Variants in PDXDC1 observed in about 807,000 individuals in gnomAD.
PDXDC1 encodes pyridoxal dependent decarboxylase domain containing 1.
PDXDC1 carries 42 observed loss-of-function variants against 100.1 expected under a neutral mutation model. The ratio of observed to expected loss-of-function variants is 0.42; its 90% CI spans 0.33 to 0.54. The LOEUF (loss-of-function observed/expected upper bound fraction) is 0.54, where lower values mean the gene tolerates loss of function less well. Among genes scored for constraint, PDXDC1 ranks in the 20% least tolerant of loss-of-function variants. The pLI, the probability that PDXDC1 is intolerant of heterozygous loss-of-function variation, is 0.10. For synonymous variants in PDXDC1, 260 were observed against 371.7 expected, an observed-to-expected ratio of 0.70 and a Z score of 3.46; for missense variants, 636 against 979.2, an observed-to-expected ratio of 0.65 and a Z score of 4.68.
intron 13 of PDXDC1, among the ~76,000 whole-genome samples, chr16:15,023,945 A>G (rs2042393238): frequency 6.6e-6 from 1 of 152,274 alleles, no homozygotes; most frequent in African/African-American, 2.4e-5. Flanking sequence ...ACAGAGAAGC[A>G]AATTATGGCC....
chr16:15,033,496 C>T (rs185006747), intron 19 of PDXDC1, 97 bp downstream of exon 19: 158 of 1,353,980 alleles, frequency 1.2e-4, no homozygotes, highest in Middle Eastern at 6.4e-4. Context: ...GATGTCTGTT[C>T]GTTGTCTCTC....
At chr16:15,128,794 C>T (rs994651859) in intron 16 of PDXDC1, among the ~76,000 whole-genome samples, 1 of 151,762 alleles carries the variant, frequency 6.6e-6, no homozygotes, top group Non-Finnish European at 1.5e-5. Flanking sequence ...CAGTGACAGA[C>T]CCAGGTGACA....
At chr16:14,991,010 G>A (rs1246159414) in intron 1 of PDXDC1, among the ~76,000 whole-genome samples, 1 of 152,278 alleles carries the variant, frequency 6.6e-6, no homozygotes, top group Non-Finnish European at 1.5e-5. Context: ...CCAACGTGCT[G>A]GGATTATAGT....
chr16:15,080,557 CCTAGTAG>C (rs1384575446), intron 16 of PDXDC1, among the ~76,000 whole-genome samples: 1 of 152,126 alleles, frequency 6.6e-6, no homozygotes, highest in Non-Finnish European at 1.5e-5. Context: ...CCTCAGCCTC[CCTAGTAG>C]CTAGAACTAC....
At chr16:15,104,448 G>A in intron 16 of PDXDC1, 3 of 1,279,168 alleles carry the variant, frequency 2.3e-6, no homozygotes, top group South Asian at 1.5e-5. Context: ...GGAGCTGAGG[G>A]TGGAAGGGGA....
At chr16:15,094,043 C>G in intron 16 of PDXDC1, 3 of 1,058,394 alleles carry the variant, frequency 2.8e-6, no homozygotes, top group Non-Finnish European at 4.3e-6. Flanking sequence ...GTGCTCCTAT[C>G]ACACGCCATG....
upstream of PDXDC1, chr16:14,974,810 T>C (rs1331958848): frequency 5.2e-6 from 8 of 1,535,352 alleles, no homozygotes; most frequent in Admixed American, 1.4e-4. Context: ...GTGAGGTGCG[T>C]CACTAGTATT....
rs1183496611 is a variant in PDXDC1, at chr16:15,121,752, C to CAAAT, written c.1400-17107_1400-17104dup. 6 of 58,258 alleles carry CAAAT rather than the reference C, an allele frequency of 1.0e-4. No homozygotes were observed. The South Asian group carries it at 1.3e-3, about 13-fold the overall frequency. 3.6% of individuals were successfully genotyped at this position (58,258 alleles called of 1,614,324 possible). On this transcript the variant is annotated intron_variant, in intron 16 of 16. Coordinates refer to the PDXDC1 transcript ENST00000535621. ...CTCAGCAACAAGGGAGAAACTGTCT[C>CAAAT]AAATAAATAAATAAATAAATAAAAT...
At position 15,032,997 on chromosome 16, in the gene PDXDC1, A is replaced by T; in HGVS notation, c.1690+18A>T. On this transcript the variant is annotated intron_variant, in intron 18 of 22. Transcript: ENST00000396410. ...TAAAATAGGTAACTGCTTACTTTGTAAGTCAGCTGTGGGGTTTGGAAGGAC... is the reference window on the plus strand; with the variant it reads ...TAAAATAGGTAACTGCTTACTTTGTTAGTCAGCTGTGGGGTTTGGAAGGAC... The T allele has an allele frequency of 3.5e-6, 5 of 1,414,098 alleles. No homozygotes were observed. Among genetic ancestry groups the T allele is most frequent in the Non-Finnish European group, 5.0e-6 (5 of 997,372 alleles). The allele number at this position is 1,414,098 out of a possible 1,614,324, so 87.6% of individuals were successfully genotyped here.
At chr16:15,006,044 T>C (rs1974181317) in intron 5 of PDXDC1, among the ~76,000 whole-genome samples, 1 of 152,294 alleles carries the variant, frequency 6.6e-6, no homozygotes, top group Non-Finnish European at 1.5e-5. Flanking sequence ...GCTGAAACTC[T>C]GCTATGAACT....
At position 15,031,788 on chromosome 16, in the gene PDXDC1, A is replaced by C. The variant is rs779443729; in HGVS notation, c.1453A>C (p.Lys485Gln). ...TCAGCTCGTAGCCTGCATAGAAAGC[A>C]AACTGCCAGTGCTGTGCTGTACGCT... The part of the protein sequence containing the change: ...VDQLVACIES[K>Q]LPVLCCTLQL... The change falls in exon 17 of 23, where the codon AAA becomes CAA. Residue 485 changes from lysine (K) to glutamine (Q), a missense_variant. Transcript: ENST00000396410. The C allele has an allele frequency of 9.3e-6, 15 of 1,613,818 alleles. No homozygotes were observed. In the African/African-American group the frequency reaches 1.7e-4, roughly 19 times the overall value.
intron 16 of PDXDC1, chr16:15,071,373 A>T: frequency 1.1e-6 from 1 of 897,962 alleles, no homozygotes; most frequent in Non-Finnish European, 1.7e-6. Flanking sequence ...TAACTATCTC[A>T]TGGGCTTCAT....
chr16:15,003,173 CAATA>C (rs1973521096), intron 4 of PDXDC1, among the ~76,000 whole-genome samples: 1 of 151,322 alleles, frequency 6.6e-6, no homozygotes, highest in Admixed American at 6.6e-5. Flanking sequence ...TGTATTATTG[CAATA>C]AATAATTCTT....
Position 15,125,196 on chromosome 16 carries a change from G to C in PDXDC1, c.1400-13683G>C. On this transcript the variant is annotated intron_variant, in intron 16 of 16. Transcript: ENST00000535621. ...AAAAAAAAAGAAGCCCTAGATTTCG[G>C]TTGTGTTGGTTGTAAAAGGAGAGAC... 4 of 496,188 alleles carry C rather than the reference G, an allele frequency of 8.1e-6. No individual in the cohort carries two copies. The South Asian group carries it at 9.4e-5, about 12-fold the overall frequency. 30.7% of individuals were successfully genotyped at this position (496,188 alleles called of 1,614,324 possible).
At chr16:15,130,171 C>T in intron 16 of PDXDC1, 2 of 1,529,476 alleles carry the variant, frequency 1.3e-6, no homozygotes, top group Non-Finnish European at 1.8e-6. Context: ...CTCGACTCTG[C>T]AGAGGCTCCC....
At chr16:15,077,602 G>C (rs2045516040) in intron 16 of PDXDC1, among the ~76,000 whole-genome samples, 1 of 152,180 alleles carries the variant, frequency 6.6e-6, no homozygotes, top group Non-Finnish European at 1.5e-5. Context: ...AGCTCTTTGG[G>C]AGGCCGAGGT....
rs754582430 is a variant in PDXDC1 at position 15,034,394 on chromosome 16, G to A, written c.1905+16G>A. 7 of 1,613,408 alleles carry A rather than the reference G, an allele frequency of 4.3e-6. No homozygotes were observed. Among genetic ancestry groups the A allele is most frequent in the East Asian group, 2.2e-5 (1 of 44,888 alleles). On this transcript the variant is annotated intron_variant, in intron 20 of 22. Coordinates refer to ENST00000396410, the MANE Select transcript of PDXDC1 (RefSeq NM_015027.4). ...TCTGGAAGAGGTGAGGCCCCCGATG[G>A]GCAGCAGGCTGGGGGAGCCGCCGTG...
intron 12 of PDXDC1, among the ~76,000 whole-genome samples, chr16:15,019,550 A>G (rs2042023855): frequency 6.6e-6 from 1 of 152,290 alleles, no homozygotes; most frequent in African/African-American, 2.4e-5. Context: ...TTTATTGCTT[A>G]CAGTTCTGGA....
At chr16:15,127,461 C>T in intron 16 of PDXDC1, 1 of 1,559,028 alleles carries the variant, frequency 6.4e-7, no homozygotes, top group Non-Finnish European at 8.6e-7. Context: ...GTCCCCAGCC[C>T]CAGCCCACCT....
Sources: gnomAD v4.1 joint callset for allele counts (sites outside exome capture counted in the v4.1 genomes callset) on GRCh38, gnomAD v4.1.1 for gene constraint, MANE v1.5 for transcripts, NCBI Gene and HGNC (gene_info 2026-07-23, HGNC 2026-07-21) for gene names.